MAP3K8: variants seen among roughly 807,000 people sequenced by gnomAD.
MAP3K8 encodes the protein mitogen-activated protein kinase kinase kinase 8, also known as Ewing sarcoma transformant.
In MAP3K8, 22 loss-of-function variants were observed where a neutral mutation model predicts 45.8. The observed-to-expected ratio is 0.48, with a 90% confidence interval of 0.34 to 0.69. The LOEUF (loss-of-function observed/expected upper bound fraction) is 0.69, where lower values mean the gene tolerates loss of function less well. Among genes scored for constraint, MAP3K8 ranks in the 30% least tolerant of loss-of-function variants. MAP3K8 has a pLI of 0.01. For synonymous variants in MAP3K8, 223 were observed against 214.3 expected, an observed-to-expected ratio of 1.04 and a Z score of -0.36; for missense variants, 419 against 585.0, an observed-to-expected ratio of 0.72 and a Z score of 2.93.
chr10:30,437,210 T>C lies in MAP3K8; in HGVS notation c.-220T>C. On this transcript the variant is annotated 5_prime_UTR_variant, in exon 2 of 9. Transcript: ENST00000263056. Reference sequence around the variant, plus strand: ...TCTTACCGCGAAGAAGCCAGGGGAATAGGTAGCCACATCTTGTTTGCAGAT... The same window carrying C: ...TCTTACCGCGAAGAAGCCAGGGGAACAGGTAGCCACATCTTGTTTGCAGAT... 1.0e-6 allele frequency: 1 copy of C among 985,302 alleles called. No individual in the cohort carries two copies. Among genetic ancestry groups the C allele is most frequent in the South Asian group, 4.7e-5 (1 of 21,278 alleles). The allele number at this position is 985,302 out of a possible 1,614,324, so 61.0% of individuals were successfully genotyped here.
chr10:30,437,665 T>G (rs142246741), intron 2 of MAP3K8, among the ~76,000 whole-genome samples: 1 of 152,348 alleles, frequency 6.6e-6, no homozygotes, highest in African/African-American at 2.4e-5. Context: ...TTTTGTCAAA[T>G]GAAATTCACT....
rs988555318 is a variant in MAP3K8, at chr10:30,447,644, A to G, written c.337-138A>G. 8.4e-6 allele frequency: 6 copies of G among 716,580 alleles called. 1 individual carries two copies. Among genetic ancestry groups the G allele is most frequent in the Admixed American group, 7.4e-5 (3 of 40,704 alleles). The allele number at this position is 716,580 out of a possible 1,614,324, so 44.4% of individuals were successfully genotyped here. A position where few individuals can be genotyped will look rare whatever the true frequency, so the allele number is the denominator to read the frequency against. The stretch of plus-strand genomic sequence containing the variant: ...TAAATATAGTCTCTGTACAGTTGGT[A>G]GGATTAAGCACAGTGACATTAATTT... On this transcript the variant is annotated intron_variant, in intron 3 of 8. Transcript: ENST00000263056.
In MAP3K8 at chr10:30,460,820, C is replaced by G. The variant is rs766981801; in HGVS notation, c.1388C>G (p.Thr463Arg). Residue 463 changes from threonine to arginine, a missense_variant, in exon 9 of 9, where the codon ACG (threonine) becomes AGG (arginine). By Grantham distance (71) the Thr-to-Arg change is moderately conservative. Transcript: ENST00000263056. ...TTCAATCTTGTTCGGGGACCACCAA[C>G]GCTTGAATATGGCTGAAGGATGCCA... ...GYFNLVRGPP[T>R]LEYG is the part of the protein sequence containing the mutation. The G allele has an allele frequency of 6.2e-7, 1 of 1,613,598 alleles. No homozygotes were observed.
At chr10:30,450,638 A>G (rs1235481296) in intron 5 of MAP3K8, 119 bp downstream of exon 5, 6 of 801,208 alleles carry the variant, frequency 7.5e-6, no homozygotes, top group Admixed American at 2.3e-5. Context: ...CCCTCAGAGC[A>G]CCGTCCGTCT....
chr10:30,458,173 G>A lies in MAP3K8; in HGVS notation c.963G>A (p.Gln321=). Residue 321 remains glutamine, a synonymous_variant, in exon 7 of 9, where the codon CAG becomes CAA. Transcript: ENST00000263056. ...TGGGGGCCACGCTCATCCACATGCA[G>A]ACGGGCACCCCACCCTGGGTGAAGC... ...YSLGATLIHM[Q]TGTPPWVKRY... is the part of the protein sequence containing the mutation. The A allele has an allele frequency of 1.3e-6, 2 of 1,594,014 alleles. No individual in the cohort carries two copies. Among genetic ancestry groups the A allele is most frequent in the Non-Finnish European group, 8.5e-7 (1 of 1,169,762 alleles).
chr10:30,447,278 C>A (rs562686925), intron 3 of MAP3K8, among the ~76,000 whole-genome samples: 67 of 152,348 alleles, frequency 4.4e-4, no homozygotes, highest in African/African-American at 1.2e-3. Flanking sequence ...ATTTACATAG[C>A]ATTGTCAACT....
chr10:30,439,526 T>C (rs2132783396), intron 3 of MAP3K8: 2 of 885,704 alleles, frequency 2.3e-6, no homozygotes, highest in East Asian at 5.4e-5. Context: ...AGAATGTATT[T>C]TGGCCGGGTG....
At chr10:30,434,131 C>G (rs965453965), upstream of MAP3K8, 1 of 153,122 alleles carries the variant, frequency 6.5e-6, no homozygotes, top group Non-Finnish European at 1.5e-5. Flanking sequence ...GCTCAGACGC[C>G]GTGAGTCAGG....
intron 4 of MAP3K8, among the ~76,000 whole-genome samples, chr10:30,448,414 T>TTTTTTTTTA (rs34801475): frequency 2.9e-5 from 4 of 136,444 alleles, no homozygotes; most frequent in South Asian, 2.3e-4. Context: ...CTATCCCAAA[T>TTTTTTTTTA]TTATTATTAT....
chr10:30,460,535 T>C (rs1836899651), intron 8 of MAP3K8, among the ~76,000 whole-genome samples, 171 bp from the exon 9 acceptor site: 1 of 152,226 alleles, frequency 6.6e-6, no homozygotes, highest in Non-Finnish European at 1.5e-5. Flanking sequence ...GTTTGAACTT[T>C]TTGTTCTATG....
In MAP3K8 at chr10:30,439,100, T is replaced by G. The variant is rs1836008828; in HGVS notation, c.162T>G (p.Asn54Lys). ...PSLMTMCQDSNQNDERSKSLL... is the reference protein window; with the variant it reads ...PSLMTMCQDSKQNDERSKSLL... Reference sequence around the variant, plus strand: ...TAATGACCATGTGTCAAGACAGTAATCAAAACGATGAGCGTTCTAAGTCTC... The same window carrying G: ...TAATGACCATGTGTCAAGACAGTAAGCAAAACGATGAGCGTTCTAAGTCTC... Residue 54 changes from asparagine (N) to lysine (K), a missense_variant, in exon 3 of 9, where the codon AAT (asparagine) becomes AAG (lysine). By Grantham distance (94) the Asn-to-Lys change is moderately conservative. This residue lies in a region of MAP3K8 where 102 missense variants were observed against 93.5 expected (regional missense o/e 1.09). Coordinates refer to ENST00000263056, the MANE Select transcript of MAP3K8 (RefSeq NM_005204.4). 1 of 1,614,100 alleles carries G rather than the reference T, an allele frequency of 6.2e-7. No individual in the cohort carries two copies.
At chr10:30,456,790 C>T (rs1314247887) in intron 6 of MAP3K8, among the ~76,000 whole-genome samples, 13 of 152,118 alleles carry the variant, frequency 8.5e-5, no homozygotes, top group Non-Finnish European at 1.6e-4. Flanking sequence ...CTTCCTGCCT[C>T]GGCCTTCCAA....
intron 4 of MAP3K8, among the ~76,000 whole-genome samples, chr10:30,449,346 G>A (rs1280270208): frequency 6.6e-6 from 1 of 152,098 alleles, no homozygotes; most frequent in Non-Finnish European, 1.5e-5. Flanking sequence ...CCGGGTTCAA[G>A]CGATTCTTCT....
At chr10:30,441,157 ATTC>A (rs760072808) in intron 3 of MAP3K8, among the ~76,000 whole-genome samples, 6 of 148,808 alleles carry the variant, frequency 4.0e-5, no homozygotes, top group Admixed American at 6.8e-5. Context: ...ATTAAGGAGA[ATTC>A]TTTTTTTTTT....
At chr10:30,454,149 A>G (rs1836653242) in intron 6 of MAP3K8, among the ~76,000 whole-genome samples, 1 of 152,054 alleles carries the variant, frequency 6.6e-6, no homozygotes, top group Admixed American at 6.6e-5. Flanking sequence ...ACTCAGCCCC[A>G]TGCCCTTCTC....
intron 3 of MAP3K8, among the ~76,000 whole-genome samples, chr10:30,441,184 T>C (rs1258363211): frequency 6.7e-6 from 1 of 148,844 alleles, no homozygotes; most frequent in Non-Finnish European, 1.5e-5. Flanking sequence ...TGAGACAGAG[T>C]CTCGCTCTGT....
chr10:30,439,757 C>T (rs150320100), intron 3 of MAP3K8, among the ~76,000 whole-genome samples: 2,475 of 151,852 alleles, frequency 0.016, 69 homozygotes, highest in African/African-American at 0.056. Context: ...TGTGATGAGC[C>T]GAGATCACAC....
intron 3 of MAP3K8, among the ~76,000 whole-genome samples, chr10:30,441,116 G>C (rs1279199934): frequency 6.6e-6 from 1 of 152,010 alleles, no homozygotes; most frequent in Non-Finnish European, 1.5e-5. Flanking sequence ...CCTGCTGTGG[G>C]TCCTGTGCTC....
In MAP3K8 at chr10:30,453,872, A is replaced by G. The variant is rs8177016; in HGVS notation, c.873+2128A>G. Among the ~76,000 whole-genome samples, 250 of 144,134 alleles carry G rather than the reference A, an allele frequency of 1.7e-3. 1 individual carries two copies. Among genetic ancestry groups the G allele is most frequent in the African/African-American group, 6.1e-3 (236 of 38,702 alleles). The allele number at this position is 144,134 out of a possible 152,430, so 94.6% of individuals were successfully genotyped here. On this transcript the variant is annotated intron_variant, in intron 6 of 8. Coordinates refer to ENST00000263056, the MANE Select transcript of MAP3K8 (RefSeq NM_005204.4). ...ATAGAGTCAGACCTCATCTCTTTTG[A>G]AAAAAAAAAAGAAAAAAAGAAGGAA...
Sources: allele counts gnomAD v4.1 joint callset (sites outside exome capture counted in the v4.1 genomes callset), GRCh38; gene constraint gnomAD v4.1.1; regional missense constraint gnomAD v4.1.1; transcripts MANE v1.5; gene names NCBI Gene and HGNC (gene_info 2026-07-23, HGNC 2026-07-21).